Variants in RSF1 observed in about 807,000 individuals in gnomAD.
The protein encoded by RSF1 is HBV pX-associated protein 8.
A neutral mutation model predicts 145.2 loss-of-function variants in RSF1; 13 were observed. The ratio of observed to expected loss-of-function variants is 0.09; its 90% CI spans 0.06 to 0.14. The LOEUF (loss-of-function observed/expected upper bound fraction) is 0.14, where lower values mean the gene tolerates loss of function less well. Among genes scored for constraint, RSF1 ranks in the 10% least tolerant of loss-of-function variants. The probability of loss-of-function intolerance (pLI) is 1.00; values close to 1 mark genes in which losing one functional copy is unlikely to be tolerated. For missense variants in RSF1, 1,517 were observed against 1,718.2 expected, an observed-to-expected ratio of 0.88 and a Z score of 2.07; for synonymous variants, 577 against 592.6, an observed-to-expected ratio of 0.97 and a Z score of 0.38.
chr11:77,781,350 C>A (rs1565178778), intron 1 of RSF1, among the ~76,000 whole-genome samples: 1 of 152,208 alleles, frequency 6.6e-6, no homozygotes, highest in East Asian at 1.9e-4. Flanking sequence ...CTGCCCACCT[C>A]AGCCTTGCAA....
chr11:77,868,864 T>C, the RSF1 span: 2 of 193,996 alleles, frequency 1.0e-5, no homozygotes, highest in Non-Finnish European at 2.2e-5. Context: ...CTAAACATTT[T>C]CCTTCACACA....
chr11:77,841,084 T>C, the RSF1 span: 17 of 661,952 alleles, frequency 2.6e-5, no homozygotes, highest in East Asian at 4.4e-4. Flanking sequence ...TGCTGCATCA[T>C]CCTATAGTGG....
intron 7 of RSF1, among the ~76,000 whole-genome samples, chr11:77,697,165 G>A: frequency 6.6e-6 from 1 of 151,938 alleles, no homozygotes; most frequent in East Asian, 1.9e-4. Flanking sequence ...CATGCTGTCT[G>A]GCCCTATGCT....
At chr11:77,827,683 T>G in the RSF1 span, among the ~76,000 whole-genome samples, 1 of 152,180 alleles carries the variant, frequency 6.6e-6, no homozygotes, top group African/African-American at 2.4e-5. Context: ...TGCTGAAAAC[T>G]AATTCCTCCC....
chr11:77,777,352 G>A (rs1948352761), intron 1 of RSF1, among the ~76,000 whole-genome samples: 1 of 152,126 alleles, frequency 6.6e-6, no homozygotes, highest in African/African-American at 2.4e-5. Flanking sequence ...AGCACTTTTG[G>A]AGGCTGCAGC....
intron 4 of RSF1, among the ~76,000 whole-genome samples, chr11:77,740,035 A>T (rs2135909398): frequency 6.6e-6 from 1 of 152,372 alleles, no homozygotes; most frequent in South Asian, 2.1e-4. Context: ...TGTCAAGATG[A>T]ACTGAATAAA....
intron 1 of RSF1, among the ~76,000 whole-genome samples, chr11:77,774,008 G>A (rs969672223): frequency 2.6e-5 from 4 of 152,150 alleles, no homozygotes; most frequent in African/African-American, 9.7e-5. Context: ...ACCAGGAAAG[G>A]AGAAAGAAAA....
intron 15 of RSF1, 92 bp downstream of exon 15, chr11:77,671,950 A>G (rs1959564437): frequency 8.2e-7 from 1 of 1,219,082 alleles, no homozygotes; most frequent in Admixed American, 2.6e-5. Flanking sequence ...TATGAGTTTC[A>G]AAGAATGGTA....
At chr11:77,734,344 G>T in intron 4 of RSF1, 1 of 568,324 alleles carries the variant, frequency 1.8e-6, no homozygotes, top group Non-Finnish European at 3.1e-6. Flanking sequence ...CTGAAGGAAT[G>T]GCACAAATCA....
chr11:77,694,419 T>G (rs1429018738), intron 7 of RSF1, among the ~76,000 whole-genome samples: 1 of 152,242 alleles, frequency 6.6e-6, no homozygotes, highest in Non-Finnish European at 1.5e-5. Context: ...ACCGTCATCA[T>G]GTAATACAAA....
chr11:77,709,933 T>C (rs906568450), intron 5 of RSF1, among the ~76,000 whole-genome samples: 1 of 152,162 alleles, frequency 6.6e-6, no homozygotes, highest in Non-Finnish European at 1.5e-5. Context: ...AATTCTTTTA[T>C]AACTTACTTT....
chr11:77,669,619 C>A (rs1043536681), intron 15 of RSF1, among the ~76,000 whole-genome samples: 2 of 152,158 alleles, frequency 1.3e-5, no homozygotes, highest in Non-Finnish European at 2.9e-5. Context: ...TTCAAGTGCT[C>A]AATAGCCATA....
intron 14 of RSF1, among the ~76,000 whole-genome samples, chr11:77,673,795 T>C (rs1959619866): frequency 6.6e-6 from 1 of 152,182 alleles, no homozygotes; most frequent in Admixed American, 6.5e-5. Context: ...ATTCCCACTA[T>C]AAATGCATAA....
intron 5 of RSF1, among the ~76,000 whole-genome samples, chr11:77,706,219 G>T (rs548532531): frequency 7.3e-6 from 1 of 136,308 alleles, no homozygotes; most frequent in Non-Finnish European, 1.5e-5. Flanking sequence ...CCAGCCTGGC[G>T]ACAGAGTGAG....
intron 5 of RSF1, among the ~76,000 whole-genome samples, chr11:77,723,433 A>G (rs562078998): frequency 6.6e-6 from 1 of 152,368 alleles, no homozygotes; most frequent in South Asian, 2.1e-4. Context: ...ACTGTACTTC[A>G]GCCTGGGCGA....
intron 5 of RSF1, among the ~76,000 whole-genome samples, chr11:77,708,552 C>T (rs1960606783): frequency 1.3e-5 from 2 of 152,176 alleles, no homozygotes; most frequent in Admixed American, 6.5e-5. Flanking sequence ...ATCAAAGTTT[C>T]ATCATCTCAC....
At chr11:77,860,259 GAGTTTCCTTAATTAGTGTATATA>G in the RSF1 span, among the ~76,000 whole-genome samples, 1 of 152,208 alleles carries the variant, frequency 6.6e-6, no homozygotes, top group Non-Finnish European at 1.5e-5. Flanking sequence ...ATTGCTTTCT[GAGTTTCCTTAATTAGTGTATATA>G]ATGGCCTGGC....
chr11:77,842,167 G>A, the RSF1 span, among the ~76,000 whole-genome samples: 7 of 151,966 alleles, frequency 4.6e-5, no homozygotes, highest in Non-Finnish European at 7.4e-5. Flanking sequence ...TTTCTTCTTG[G>A]GGAGAGAATA....
intron 5 of RSF1, among the ~76,000 whole-genome samples, chr11:77,703,856 A>G (rs1336653620): frequency 6.6e-6 from 1 of 152,240 alleles, no homozygotes; most frequent in Non-Finnish European, 1.5e-5. Context: ...GATGACAGTA[A>G]TTACCTAAGT....
Sources: gnomAD v4.1 joint callset for allele counts (sites outside exome capture counted in the v4.1 genomes callset) on GRCh38, gnomAD v4.1.1 for gene constraint, MANE v1.5 for transcripts, NCBI Gene and HGNC (gene_info 2026-07-23, HGNC 2026-07-21) for gene names.